Variants in SETDB2 observed in about 807,000 individuals in gnomAD.
SETDB2 encodes histone-lysine N-methyltransferase SETDB2.
Under a neutral mutation model 82.5 loss-of-function variants are expected in SETDB2, and 56 were observed. The ratio of observed to expected loss-of-function variants is 0.68; its 90% CI spans 0.55 to 0.85. The LOEUF (loss-of-function observed/expected upper bound fraction) is 0.85, where lower values mean the gene tolerates loss of function less well. Ranked by LOEUF, SETDB2 falls within the 40% of genes least tolerant of loss-of-function variation. The probability of loss-of-function intolerance (pLI) is 0.00; values close to 1 mark genes in which losing one functional copy is unlikely to be tolerated. For missense variants in SETDB2, 677 were observed against 816.4 expected, an observed-to-expected ratio of 0.83 and a Z score of 2.08; for synonymous variants, 272 against 284.9, an observed-to-expected ratio of 0.95 and a Z score of 0.46.
chr13:49,476,724 G>A lies in SETDB2; in HGVS notation c.554G>A (p.Arg185Lys), dbSNP rs770479822. The change falls in exon 6 of 14, where the codon AGG becomes AAG. Residue 185 changes from arginine (R) to lysine (K), a missense_variant. Physicochemically the swap from Arg to Lys is conservative, Grantham distance 26 (BLOSUM62 2). Transcript: ENST00000611815. ...LHVSYKTPCGRSLRNVEEVFR... is the reference protein window; with the variant it reads ...LHVSYKTPCGKSLRNVEEVFR... ...GTGAGTTATAAAACCCCTTGTGGAA[G>A]GAGTCTACGAAACGTGGAGGAAGTT... The A allele has an allele frequency of 9.9e-6, 16 of 1,614,088 alleles. No homozygotes were observed. Among genetic ancestry groups the A allele is most frequent in the Non-Finnish European group, 1.3e-5 (15 of 1,180,034 alleles).
chr13:49,452,009 G>A, intron 2 of SETDB2, 100 bp downstream of exon 2: 1 of 789,930 alleles, frequency 1.3e-6, no homozygotes. Context: ...GCATTGCGAG[G>A]AACTTTTCTG....
chr13:49,470,015 A>G (rs1047510620), intron 5 of SETDB2, among the ~76,000 whole-genome samples: 3 of 151,714 alleles, frequency 2.0e-5, no homozygotes, highest in Non-Finnish European at 4.4e-5. Flanking sequence ...ACTTTTGGAA[A>G]CCTCGGTTCT....
chr13:49,449,417 A>G (rs1419250019), intron 1 of SETDB2, among the ~76,000 whole-genome samples: 1 of 151,814 alleles, frequency 6.6e-6, no homozygotes, highest in Non-Finnish European at 1.5e-5. Context: ...CACCCAGCTA[A>G]TTTTTGTATT....
chr13:49,476,896 C>T lies in SETDB2; in HGVS notation c.726C>T (p.Pro242=). Reference sequence around the variant, plus strand: ...TTAGCAATGGAGTGGAATCAGTGCCCATTTCTTTCTGTAATGAAATTGACA... The same window carrying T: ...TTAGCAATGGAGTGGAATCAGTGCCTATTTCTTTCTGTAATGAAATTGACA... The part of the protein sequence containing the change: ...VDISNGVESV[P]ISFCNEIDSR... The change falls in exon 6 of 14, where the codon CCC becomes CCT. Residue 242 remains proline, a synonymous_variant. Coordinates refer to ENST00000611815, the MANE Select transcript of SETDB2 (RefSeq NM_001160308.3). The T allele has an allele frequency of 6.2e-7, 1 of 1,614,120 alleles. No individual in the cohort carries two copies. The highest frequency in any genetic ancestry group is 1.1e-5 in the South Asian group (1 of 91,074).
intron 4 of SETDB2, among the ~76,000 whole-genome samples, chr13:49,462,756 A>G (rs1435640851): frequency 6.6e-6 from 1 of 152,236 alleles, no homozygotes; most frequent in African/African-American, 2.4e-5. Flanking sequence ...ATCTCTGAAA[A>G]TATAGTCTAG....
intron 3 of SETDB2, 96 bp downstream of exon 3, chr13:49,460,328 G>A (rs1442423242): frequency 8.1e-6 from 10 of 1,239,960 alleles, no homozygotes; most frequent in Admixed American, 3.1e-5. Context: ...GTTTGTAAAA[G>A]TAGATGGATG....
intron 10 of SETDB2, among the ~76,000 whole-genome samples, chr13:49,484,153 C>T (rs565639697): frequency 6.6e-6 from 1 of 152,094 alleles, no homozygotes; most frequent in South Asian, 2.1e-4. Flanking sequence ...CCACTGAGAC[C>T]GAGAGGTATC....
At chr13:49,480,085 G>A in intron 6 of SETDB2, 134 bp from the exon 7 acceptor site, 1 of 588,644 alleles carries the variant, frequency 1.7e-6, no homozygotes, top group Non-Finnish European at 3.0e-6. Context: ...GGAAAAAGCT[G>A]ATAGTGTTCA....
intron 4 of SETDB2, among the ~76,000 whole-genome samples, chr13:49,461,471 C>T (rs548045883): frequency 1.4e-4 from 21 of 152,246 alleles, no homozygotes; most frequent in African/African-American, 2.9e-4. Context: ...ACTATATATC[C>T]GCTTTCTGTG....
chr13:49,491,574 A>G (rs1958715025), intron 13 of SETDB2, among the ~76,000 whole-genome samples, 158 bp from the exon 14 acceptor site: 1 of 152,254 alleles, frequency 6.6e-6, no homozygotes, highest in Non-Finnish European at 1.5e-5. Flanking sequence ...TCAAATGGTT[A>G]TTCTTAATAA....
intron 5 of SETDB2, among the ~76,000 whole-genome samples, chr13:49,468,268 G>A (rs1303753827): frequency 2.6e-5 from 4 of 152,044 alleles, no homozygotes; most frequent in African/African-American, 9.7e-5. Context: ...TTACTGCTTA[G>A]ATTATCTGGA....
intron 4 of SETDB2, chr13:49,464,053 A>G (rs1958052446): frequency 1.3e-6 from 1 of 775,658 alleles, no homozygotes; most frequent in Non-Finnish European, 2.4e-6. Context: ...TGCCCAAAGC[A>G]GTGGTGAGAT....
intron 10 of SETDB2, among the ~76,000 whole-genome samples, chr13:49,484,516 C>T (rs1325416094): frequency 1.3e-5 from 2 of 152,110 alleles, no homozygotes; most frequent in African/African-American, 4.8e-5. Context: ...GTGATCCACC[C>T]ACTTTGGCCT....
Position 49,488,487 on chromosome 13 carries a change from T to A in SETDB2, c.1774T>A (p.Cys592Ser). 6.2e-7 allele frequency: 1 copy of A among 1,614,152 alleles called. No homozygotes were observed. The highest frequency in any genetic ancestry group is 8.5e-7 in the Non-Finnish European group (1 of 1,180,004). Reference protein sequence around the residue: ...QKPQEGRSTACQRQQVFCDEE... With the variant: ...QKPQEGRSTASQRQQVFCDEE... ...ACCCCAAGAGGGACGATCTACAGCA[T>A]GTCAAAGACAGCAGGTATTTTGTGA... The change falls in exon 12 of 14, where the codon TGT becomes AGT. Residue 592 changes from cysteine (C) to serine (S), a missense_variant. Transcript: ENST00000611815.
Position 49,491,728 on chromosome 13 carries a change from C to G in SETDB2, c.2007-4C>G. 6.3e-7 allele frequency: 1 copy of G among 1,598,728 alleles called. No individual in the cohort carries two copies. Among genetic ancestry groups the G allele is most frequent in the Non-Finnish European group, 8.6e-7 (1 of 1,169,396 alleles). On this transcript the variant is annotated splice_polypyrimidine_tract_variant and splice_region_variant and intron_variant, in intron 13 of 13. Transcript: ENST00000611815. ...ATGATTCTTTTCAAATTTCTACTTT[C>G]TAGGTATGTGAAAGCAAGAACAGAG...
At chr13:49,479,552 C>G (rs975965728) in intron 6 of SETDB2, among the ~76,000 whole-genome samples, 1 of 152,176 alleles carries the variant, frequency 6.6e-6, no homozygotes, top group Non-Finnish European at 1.5e-5. Context: ...CTTAAAGTCA[C>G]TTGTTCAGCA....
chr13:49,487,354 G>C (rs1020546859), intron 11 of SETDB2, among the ~76,000 whole-genome samples: 1 of 151,482 alleles, frequency 6.6e-6, no homozygotes, highest in Non-Finnish European at 1.5e-5. Context: ...TTTTTAAAGA[G>C]AGACAGCGAC....
At chr13:49,481,392 TG>T (rs1449064897) in intron 8 of SETDB2, among the ~76,000 whole-genome samples, 1 of 152,028 alleles carries the variant, frequency 6.6e-6, no homozygotes, top group Non-Finnish European at 1.5e-5. Flanking sequence ...TTTGTCTGCA[TG>T]GCTACAGGTA....
At chr13:49,489,011 G>C (rs1218238656) in intron 12 of SETDB2, 2 of 163,780 alleles carry the variant, frequency 1.2e-5, no homozygotes, top group Non-Finnish European at 2.7e-5. Context: ...TGGCTAGGAA[G>C]TTATCAGTGA....
Sources: gnomAD v4.1 joint callset for allele counts (sites outside exome capture counted in the v4.1 genomes callset) on GRCh38, gnomAD v4.1.1 for gene constraint, MANE v1.5 for transcripts, NCBI Gene and HGNC (gene_info 2026-07-23, HGNC 2026-07-21) for gene names.